The following SNX29 variants were observed in gnomAD, a reference collection of about 807,000 sequenced individuals.
SNX29 encodes the protein sorting nexin-29.
SNX29 carries 78 observed loss-of-function variants against 102.1 expected under a neutral mutation model. That is an observed-to-expected ratio of 0.76 (90% CI 0.64 to 0.92). The LOEUF (loss-of-function observed/expected upper bound fraction) is 0.92. Ranked by LOEUF, SNX29 falls within the 40% of genes least tolerant of loss-of-function variation. SNX29 has a pLI of 0.00. For missense variants in SNX29, 1,280 were observed against 1,061.7 expected (o/e 1.21, Z -2.86); for synonymous variants, 580 against 414.5 (o/e 1.40, Z -4.85).
chr16:12,379,612 A>G (rs531031920), intron 16 of SNX29, among the ~76,000 whole-genome samples: 1 of 152,322 alleles, frequency 6.6e-6, no homozygotes, highest in South Asian at 2.1e-4. Flanking sequence ...AGCAGTGATA[A>G]AGGGAGGTGA....
At chr16:11,981,047 A>G (rs1166421377) in intron 1 of SNX29, among the ~76,000 whole-genome samples, 2 of 151,386 alleles carry the variant, frequency 1.3e-5, no homozygotes, top group Non-Finnish European at 2.9e-5. Context: ...GTCTCACTGC[A>G]ACCTCTGCCT....
At chr16:12,384,034 G>A (rs1417720609) in intron 16 of SNX29, among the ~76,000 whole-genome samples, 2 of 152,148 alleles carry the variant, frequency 1.3e-5, no homozygotes, top group African/African-American at 4.8e-5. Context: ...CATCCATGTT[G>A]TTGCAAATGA....
chr16:12,369,240 A>C (rs1413896000), intron 16 of SNX29, among the ~76,000 whole-genome samples: 1 of 151,750 alleles, frequency 6.6e-6, no homozygotes, highest in African/African-American at 2.4e-5. Context: ...GGTTCAAGCA[A>C]TTCTCCTGCC....
At chr16:12,425,296 C>G (rs757889622) in intron 18 of SNX29, among the ~76,000 whole-genome samples, 1 of 152,096 alleles carries the variant, frequency 6.6e-6, no homozygotes, top group Admixed American at 6.6e-5. Flanking sequence ...AGGATGGCAA[C>G]GTGGATGTGG....
At chr16:12,191,493 C>G (rs575847112) in intron 13 of SNX29, among the ~76,000 whole-genome samples, 4 of 152,290 alleles carry the variant, frequency 2.6e-5, no homozygotes, top group African/African-American at 7.2e-5. Flanking sequence ...TCTCCTCCCC[C>G]ACTCAGTGCT....
At chr16:12,146,773 G>A (rs2055082624) in intron 13 of SNX29, among the ~76,000 whole-genome samples, 1 of 152,158 alleles carries the variant, frequency 6.6e-6, no homozygotes, top group Non-Finnish European at 1.5e-5. Context: ...TCCCAAAGGT[G>A]GGAGAATGGA....
intron 11 of SNX29, among the ~76,000 whole-genome samples, chr16:12,097,761 A>G (rs1462530185): frequency 6.6e-6 from 1 of 152,238 alleles, no homozygotes; most frequent in Middle Eastern, 3.2e-3. Flanking sequence ...GATGCAATTC[A>G]GAGCCAATCC....
intron 13 of SNX29, among the ~76,000 whole-genome samples, chr16:12,138,898 A>G (rs748212155): frequency 6.6e-6 from 1 of 152,044 alleles, no homozygotes; most frequent in Non-Finnish European, 1.5e-5. Flanking sequence ...GTTTCTGACT[A>G]CAGGAATACA....
At chr16:12,491,139 C>G (rs2088525192) in intron 19 of SNX29, among the ~76,000 whole-genome samples, 1 of 152,248 alleles carries the variant, frequency 6.6e-6, no homozygotes, top group South Asian at 2.1e-4. Context: ...TATGGTGTGA[C>G]TACTCAGTGT....
At chr16:12,090,469 G>C (rs991541936) in intron 11 of SNX29, among the ~76,000 whole-genome samples, 1 of 152,166 alleles carries the variant, frequency 6.6e-6, no homozygotes, top group Non-Finnish European at 1.5e-5. Flanking sequence ...AGGGAGGCCA[G>C]TTCCTCTTGA....
rs2087874136 is a variant in SNX29 at position 12,480,876 on chromosome 16, T to C, written c.2178+3017T>C. On this transcript the variant is annotated intron_variant, in intron 19 of 20. Transcript: ENST00000566228. ...GGAGCTGGGAACTGTTTTGTTGTTG[T>C]TGTTTGTTTGGTTTTTTGGAGGCAA... Among the ~76,000 whole-genome samples the C allele has an allele frequency of 3.3e-5, 5 of 152,182 alleles. No homozygotes were observed. The South Asian group carries it at 1.0e-3, about 32-fold the overall frequency.
At chr16:12,539,877 A>T (rs918683186) in intron 20 of SNX29, among the ~76,000 whole-genome samples, 1 of 152,220 alleles carries the variant, frequency 6.6e-6, no homozygotes, top group Non-Finnish European at 1.5e-5. Flanking sequence ...TGTTCTTAGA[A>T]ACTAGGCTGT....
At chr16:12,565,689 C>CAGGAAGGGGAAGCAGCT (rs2078972436) in intron 20 of SNX29, among the ~76,000 whole-genome samples, 2 of 152,122 alleles carry the variant, frequency 1.3e-5, no homozygotes, top group Admixed American at 1.3e-4. Flanking sequence ...CCCTGCCTTC[C>CAGGAAGGGGAAGCAGCT]AGGAAGGGGA....
intron 20 of SNX29, among the ~76,000 whole-genome samples, chr16:12,525,928 C>G (rs983599180): frequency 1.3e-5 from 2 of 152,072 alleles, no homozygotes; most frequent in African/African-American, 4.8e-5. Flanking sequence ...ACTGATTAGT[C>G]CACTCTGTTG....
At chr16:12,214,891 T>G (rs1294160361) in intron 14 of SNX29, among the ~76,000 whole-genome samples, 1 of 152,164 alleles carries the variant, frequency 6.6e-6, no homozygotes, top group African/African-American at 2.4e-5. Flanking sequence ...TGTAATCTCT[T>G]TATTTCTGTG....
intron 14 of SNX29, among the ~76,000 whole-genome samples, chr16:12,276,075 T>C (rs1047655268): frequency 2.6e-5 from 4 of 152,040 alleles, no homozygotes; most frequent in African/African-American, 9.7e-5. Flanking sequence ...GTATTTTTAG[T>C]AGAGACAGGG....
chr16:12,241,047 T>G (rs887272790), intron 14 of SNX29, among the ~76,000 whole-genome samples: 5 of 152,236 alleles, frequency 3.3e-5, no homozygotes, highest in Non-Finnish European at 7.3e-5. Context: ...GTATGCGTGA[T>G]TGTGGGAACA....
chr16:12,163,380 C>T (rs2055877115), intron 13 of SNX29, among the ~76,000 whole-genome samples: 1 of 151,988 alleles, frequency 6.6e-6, no homozygotes, highest in South Asian at 2.1e-4. Flanking sequence ...TTGAGAGGGC[C>T]TGGTGTGTTT....
intron 19 of SNX29, among the ~76,000 whole-genome samples, chr16:12,518,217 G>T (rs980979387): frequency 6.6e-6 from 1 of 152,114 alleles, no homozygotes; most frequent in African/African-American, 2.4e-5. Flanking sequence ...CCCCAGCATT[G>T]CTTCTCAGTG....
Sources: gnomAD v4.1 joint callset for allele counts (sites outside exome capture counted in the v4.1 genomes callset) on GRCh38, gnomAD v4.1.1 for gene constraint, MANE v1.5 for transcripts, NCBI Gene and HGNC (gene_info 2026-07-23, HGNC 2026-07-21) for gene names.